ORC1: variants seen among roughly 807,000 people sequenced by gnomAD.
The protein encoded by ORC1 is origin recognition complex subunit 1.
A neutral mutation model predicts 98.9 loss-of-function variants in ORC1; 61 were observed. The ratio of observed to expected loss-of-function variants is 0.62; its 90% confidence interval spans 0.50 to 0.76. The LOEUF is 0.76. Ranked by LOEUF, ORC1 falls within the 30% of genes least tolerant of loss-of-function variation. The pLI, the probability that ORC1 is intolerant of heterozygous loss-of-function variation, is 0.00. For synonymous variants in ORC1, 385 were observed against 406.9 expected, an observed-to-expected ratio of 0.95 and a Z score of 0.65; for missense variants, 979 against 1,072.2, an observed-to-expected ratio of 0.91 and a Z score of 1.21.
In ORC1 at chr1:52,385,156, C is replaced by T; in HGVS notation, c.1583+5G>A. On this transcript the variant is annotated splice_donor_5th_base_variant and intron_variant, in intron 10 of 16. Transcript: ENST00000371568. ...AAACTACCCTGCCTGCCTCACATGA[C>T]TCACCCTCCGGTATGGTCAAGGAGT... 2.5e-6 allele frequency: 4 copies of T among 1,595,142 alleles called. No homozygotes were observed. The highest frequency in any genetic ancestry group is 3.4e-6 in the Non-Finnish European group (4 of 1,162,690).
rs778980446 is a variant in ORC1, at chr1:52,397,774, G to A, written c.313C>T (p.Arg105Trp). ...AATATTTCCTGTGCACCAGGCTTCCGGCCCAACAAATGCCGTTTACAGGCA... is the reference window on the plus strand; with the variant it reads ...AATATTTCCTGTGCACCAGGCTTCCAGCCCAACAAATGCCGTTTACAGGCA... Reference protein sequence around the residue: ...VPACKRHLLGRKPGAQEIFWY... With the variant: ...VPACKRHLLGWKPGAQEIFWY... Residue 105 changes from arginine to tryptophan, a missense_variant, in exon 4 of 17, where the codon CGG (arginine) becomes TGG (tryptophan). Transcript: ENST00000371568. 10 of 1,614,088 alleles carry A rather than the reference G, an allele frequency of 6.2e-6. No individual in the cohort carries two copies. Among genetic ancestry groups the A allele is most frequent in the South Asian group, 3.3e-5 (3 of 91,076 alleles).
chr1:52,391,005 A>G lies in ORC1; in HGVS notation c.1083-1684T>C, dbSNP rs137963926. On this transcript the variant is annotated intron_variant, in intron 6 of 16. Transcript: ENST00000371568. ...CAGAGACTTAAATCTAAAACCTGAA[A>G]CCATAAAAAATCTAGAAGATAACGG... Among the ~76,000 whole-genome samples, 23 of 151,986 alleles carry G rather than the reference A, an allele frequency of 1.5e-4. 1 individual carries two copies. In the East Asian group the frequency reaches 4.5e-3, roughly 30 times the overall value.
At chr1:52,404,949 G>C, upstream of ORC1, 1 of 1,569,388 alleles carries the variant, frequency 6.4e-7, no homozygotes, top group Non-Finnish European at 8.7e-7. Context: ...GCGCGGGTAG[G>C]ACTAGCGACT....
rs769512226 is a variant in ORC1 at position 52,401,520 on chromosome 1, ATAACT to A, written c.96-36_96-32del. The A allele has an allele frequency of 3.0e-5, 49 of 1,613,108 alleles. No individual in the cohort carries two copies. In the East Asian group the frequency reaches 4.5e-4, roughly 15 times the overall value. On this transcript the variant is annotated intron_variant, in intron 2 of 16. Transcript: ENST00000371568. ...AAGTAACAGAGAAGCACATTAGGAA[ATAACT>A]TAAAGTGGGTCAAGCTCTTCAGATC...
intron 14 of ORC1, 33 bp downstream of exon 14, chr1:52,381,609 C>T (rs1479566078): frequency 1.2e-6 from 2 of 1,609,400 alleles, no homozygotes; most frequent in South Asian, 2.2e-5. Flanking sequence ...CAAAGATGTG[C>T]TGACTGATTT....
In ORC1 at chr1:52,393,691, A is replaced by T; in HGVS notation, c.834T>A (p.Ser278=). The change falls in exon 6 of 17, where the codon TCT becomes TCA. Residue 278 remains serine, a synonymous_variant. Transcript: ENST00000371568. The part of the protein sequence containing the change: ...FSEITSPSKR[S]QPDKLQTLSP... Reference sequence around the variant, plus strand: ...ACAAGGTTTGAAGTTTATCAGGCTGAGATCTCTTAGAAGGTGAGGTGATCT... The same window carrying T: ...ACAAGGTTTGAAGTTTATCAGGCTGTGATCTCTTAGAAGGTGAGGTGATCT... The T allele has an allele frequency of 6.2e-7, 1 of 1,614,020 alleles. No homozygotes were observed. Among genetic ancestry groups the T allele is most frequent in the Non-Finnish European group, 8.5e-7 (1 of 1,179,988 alleles).
chr1:52,393,321 C>T (rs1647263586), intron 6 of ORC1, 122 bp downstream of exon 6: 11 of 1,324,548 alleles, frequency 8.3e-6, no homozygotes, highest in Non-Finnish European at 1.2e-5. Flanking sequence ...TTTAAGAAAG[C>T]TCCCCAATAC....
In ORC1 at chr1:52,374,917, T is replaced by C. The variant is rs1646974661; in HGVS notation, c.2304-20A>G. 1 of 1,531,728 alleles carries C rather than the reference T, an allele frequency of 6.5e-7. No homozygotes were observed. Among genetic ancestry groups the C allele is most frequent in the African/African-American group, 1.4e-5 (1 of 73,342 alleles). The allele number at this position is 1,531,728 out of a possible 1,614,324, so 94.9% of individuals were successfully genotyped here. A position where few individuals can be genotyped will look rare whatever the true frequency, so the allele number is the denominator to read the frequency against. On this transcript the variant is annotated intron_variant, in intron 15 of 16. Coordinates refer to ENST00000371568, the MANE Select transcript of ORC1 (RefSeq NM_004153.4). ...GAATTTCTTAAAGGAAACGAGGGGA[T>C]GTGAGTTTTTGTCAGTGGCTGTAAC... is the stretch of plus-strand genomic sequence containing the variant.
At chr1:52,375,273 A>G (rs1646979560) in intron 15 of ORC1, among the ~76,000 whole-genome samples, 157 bp downstream of exon 15, 1 of 152,090 alleles carries the variant, frequency 6.6e-6, no homozygotes, top group Non-Finnish European at 1.5e-5. Flanking sequence ...CAAATATTCT[A>G]TTATCCTAGG....
chr1:52,405,465 T>A (rs1380907318), upstream of ORC1, among the ~76,000 whole-genome samples: 1 of 152,252 alleles, frequency 6.6e-6, no homozygotes, highest in African/African-American at 2.4e-5. Context: ...TTAAAAAAGG[T>A]TAAGTGAGAT....
At chr1:52,375,116 T>A (rs1646977159) in intron 15 of ORC1, among the ~76,000 whole-genome samples, 1 of 152,028 alleles carries the variant, frequency 6.6e-6, no homozygotes, top group African/African-American at 2.4e-5. Flanking sequence ...CATCCGGAAA[T>A]ACACTGGTCA....
chr1:52,408,498 T>C (rs909382788), upstream of ORC1: 2 of 1,601,948 alleles, frequency 1.2e-6, no homozygotes, highest in African/African-American at 1.3e-5. Context: ...ACTACTGTCA[T>C]GAGAACAGCT....
At chr1:52,391,037 G>A (rs1209574509) in intron 6 of ORC1, among the ~76,000 whole-genome samples, 6 of 151,690 alleles carry the variant, frequency 4.0e-5, no homozygotes, top group Non-Finnish European at 7.4e-5. Context: ...ACGGGCAGGC[G>A]CAGTGGCTCA....
At chr1:52,375,633 C>T in intron 14 of ORC1, 34 bp from the exon 15 acceptor site, 1 of 1,607,604 alleles carries the variant, frequency 6.2e-7, no homozygotes, top group Non-Finnish European at 8.5e-7. Context: ...CTGAGGCCAC[C>T]TTAGCCCAGA....
intron 14 of ORC1, among the ~76,000 whole-genome samples, chr1:52,380,973 G>A (rs769790127): frequency 1.3e-5 from 2 of 152,118 alleles, no homozygotes; most frequent in Non-Finnish European, 2.9e-5. Flanking sequence ...AGAGTGTGTC[G>A]GCAAGAGGAA....
At chr1:52,388,138 G>A (rs1311639621) in intron 8 of ORC1, among the ~76,000 whole-genome samples, 1 of 152,150 alleles carries the variant, frequency 6.6e-6, no homozygotes, top group Non-Finnish European at 1.5e-5. Context: ...CTCTGCCAGT[G>A]CTCCGTGGGA....
chr1:52,390,986 C>T (rs1230248359), intron 6 of ORC1, among the ~76,000 whole-genome samples: 1 of 151,102 alleles, frequency 6.6e-6, no homozygotes, highest in Non-Finnish European at 1.5e-5. Context: ...GGATCAGAGA[C>T]TTAAATCTAA....
intron 14 of ORC1, among the ~76,000 whole-genome samples, chr1:52,375,952 C>T (rs1254290617): frequency 6.6e-6 from 1 of 152,198 alleles, no homozygotes; most frequent in East Asian, 1.9e-4. Context: ...CCCCCAGAAG[C>T]AGCCAGCCAA....
rs2147940960 is a variant in ORC1, at chr1:52,396,195, C to A, written c.572G>T (p.Arg191Ile). The A allele has an allele frequency of 1.9e-6, 3 of 1,614,164 alleles. No individual in the cohort carries two copies. The East Asian group carries it at 6.7e-5, about 36-fold the overall frequency. Residue 191 changes from arginine (R) to isoleucine (I), a missense_variant, in exon 5 of 17, where the codon AGA (arginine) becomes ATA (isoleucine). Transcript: ENST00000371568. ...GCTCTCTGCACTCTTACTCTTGGCT[C>A]TCACGGGTTTCTGGCACTTGGCTGC... ...ESAAKCQKPV[R>I]AKSKSAESPS... is the part of the protein sequence containing the mutation.
Sources: allele counts gnomAD v4.1 joint callset (sites outside exome capture counted in the v4.1 genomes callset), GRCh38; gene constraint gnomAD v4.1.1; transcripts MANE v1.5; gene names NCBI Gene and HGNC (gene_info 2026-07-23, HGNC 2026-07-21).